The following XKR4 variants were observed in gnomAD, a reference collection of about 807,000 sequenced individuals.
XKR4 encodes the protein XK-related protein 4.
A neutral mutation model predicts 53.9 loss-of-function variants in XKR4; 12 were observed. That is an observed-to-expected ratio of 0.22 (90% CI 0.14 to 0.36). XKR4 has a LOEUF of 0.36. Ranked by LOEUF, XKR4 falls within the 10% of genes least tolerant of loss-of-function variation. XKR4 has a pLI of 1.00. For missense variants in XKR4, 799 were observed against 859.5 expected (o/e 0.93, Z 0.88); for synonymous variants, 354 against 362.4 (o/e 0.98, Z 0.26).
chr8:55,237,385 G>A (rs986333231), intron 1 of XKR4, among the ~76,000 whole-genome samples: 11 of 152,160 alleles, frequency 7.2e-5, no homozygotes, highest in African/African-American at 2.4e-4. Flanking sequence ...ATTATATACT[G>A]TATTCTTACA....
intron 2 of XKR4, among the ~76,000 whole-genome samples, chr8:55,402,505 G>A (rs967312976): frequency 5.3e-5 from 8 of 152,222 alleles, no homozygotes; most frequent in Non-Finnish European, 1.2e-4. Context: ...TTCTTAGAAA[G>A]TGGGGTTAGC....
intron 2 of XKR4, among the ~76,000 whole-genome samples, chr8:55,466,479 C>G (rs1320812146): frequency 4.6e-5 from 7 of 151,768 alleles, no homozygotes; most frequent in Admixed American, 4.6e-4. Context: ...ACACCGGGGA[C>G]TGTTATGGAG....
chr8:55,375,471 T>C (rs1277016035), intron 2 of XKR4, among the ~76,000 whole-genome samples: 1 of 152,178 alleles, frequency 6.6e-6, no homozygotes, highest in Non-Finnish European at 1.5e-5. Context: ...ATGTTACCTC[T>C]TCCTGCCCAA....
At chr8:55,427,464 A>G (rs1705336919) in intron 2 of XKR4, among the ~76,000 whole-genome samples, 2 of 151,886 alleles carry the variant, frequency 1.3e-5, no homozygotes, top group Admixed American at 6.6e-5. Flanking sequence ...CCCTGCCTCG[A>G]CCTCCCAAAG....
chr8:55,523,309 C>A lies in XKR4; in HGVS notation c.1035C>A (p.Ser345=). The change falls in exon 3 of 3, where the codon TCC becomes TCA. Residue 345 remains serine (S), a synonymous_variant. Transcript: ENST00000327381. ...QGFTAAASLV[S]LAWALASYQK... ...TCACAGCGGCAGCTTCCCTCGTGTC[C>A]CTGGCCTGGGCCTTGGCCTCCTACC... 6.2e-7 allele frequency: 1 copy of A among 1,611,576 alleles called. No individual in the cohort carries two copies. The highest frequency in any genetic ancestry group is 8.5e-7 in the Non-Finnish European group (1 of 1,178,562).
chr8:55,356,263 C>T (rs1316774768), intron 1 of XKR4, among the ~76,000 whole-genome samples: 2 of 152,160 alleles, frequency 1.3e-5, no homozygotes, highest in African/African-American at 4.8e-5. Flanking sequence ...GATGTGCTTC[C>T]TGATGAAAGT....
At chr8:55,182,300 A>T (rs1817321609) in intron 1 of XKR4, among the ~76,000 whole-genome samples, 2 of 152,060 alleles carry the variant, frequency 1.3e-5, no homozygotes, top group South Asian at 4.1e-4. Context: ...TCTTTTATGG[A>T]TCACACTTTG....
rs1807030089 is a variant in XKR4 at position 55,536,186 on chromosome 8, C to T, written c.*11959C>T. 1 of 152,094 alleles carries T rather than the reference C, an allele frequency of 6.6e-6. No individual in the cohort carries two copies. Among genetic ancestry groups the T allele is most frequent in the Non-Finnish European group, 1.5e-5 (1 of 68,020 alleles). 9.4% of individuals were successfully genotyped at this position (152,094 alleles called of 1,614,324 possible). ...CAGTCACCTAGTCTGTGTATCTGTT[C>T]CCAAACTGGAAAAAATAATTCTTGA... is the stretch of plus-strand genomic sequence containing the variant. On this transcript the variant is annotated 3_prime_UTR_variant, in exon 3 of 3. Coordinates refer to ENST00000327381, the MANE Select transcript of XKR4 (RefSeq NM_052898.2).
intron 1 of XKR4, among the ~76,000 whole-genome samples, chr8:55,157,693 G>A (rs1816927214): frequency 1.3e-5 from 2 of 152,104 alleles, no homozygotes; most frequent in Non-Finnish European, 1.5e-5. Flanking sequence ...CCCTCAAGTA[G>A]GCCCCAATGT....
At chr8:55,104,641 A>G (rs1220927415) in intron 1 of XKR4, among the ~76,000 whole-genome samples, 1 of 152,116 alleles carries the variant, frequency 6.6e-6, no homozygotes, top group African/African-American at 2.4e-5. Flanking sequence ...AGCAGACTGA[A>G]CATTGCCATA....
In XKR4 at chr8:55,528,744, T is replaced by C. The variant is rs1806910079; in HGVS notation, c.*4517T>C. On this transcript the variant is annotated 3_prime_UTR_variant, in exon 3 of 3. Coordinates refer to ENST00000327381, the MANE Select transcript of XKR4 (RefSeq NM_052898.2). ...TGACAGATGCAGATCAACGTTCCTT[T>C]GTCTCGGCAATCCAATGTCATTTTT... The C allele has an allele frequency of 2.0e-5, 3 of 152,144 alleles. No individual in the cohort carries two copies. The South Asian group carries it at 6.2e-4, about 32-fold the overall frequency. The allele number at this position is 152,144 out of a possible 1,614,324, so 9.4% of individuals were successfully genotyped here.
chr8:55,228,600 G>C (rs1817989478), intron 1 of XKR4, among the ~76,000 whole-genome samples: 1 of 152,062 alleles, frequency 6.6e-6, no homozygotes, highest in Non-Finnish European at 1.5e-5. Flanking sequence ...TCAATGTAAT[G>C]TTACTATTTG....
At chr8:55,126,292 A>C (rs970023327) in intron 1 of XKR4, among the ~76,000 whole-genome samples, 1 of 152,150 alleles carries the variant, frequency 6.6e-6, no homozygotes, top group African/African-American at 2.4e-5. Context: ...CTTCTGGGGA[A>C]ACAGTGACGG....
intron 1 of XKR4, among the ~76,000 whole-genome samples, chr8:55,172,566 G>A (rs184389992): frequency 1.2e-4 from 19 of 152,198 alleles, no homozygotes; most frequent in South Asian, 2.1e-4. Context: ...AACAAAGACA[G>A]AGTGAAAAGC....
intron 2 of XKR4, among the ~76,000 whole-genome samples, chr8:55,405,035 A>G (rs1378959887): frequency 6.6e-6 from 1 of 152,206 alleles, no homozygotes; most frequent in Non-Finnish European, 1.5e-5. Context: ...TTTGTGCAAG[A>G]ACTTGATGCC....
rs539132582 is a variant in XKR4, at chr8:55,495,662, G to A, written c.1007-27619G>A. Among the ~76,000 whole-genome samples the A allele has an allele frequency of 2.1e-3, 315 of 152,312 alleles. 2 individuals carry two copies. The highest frequency in any genetic ancestry group is 7.3e-3 in the African/African-American group (303 of 41,556). On this transcript the variant is annotated intron_variant, in intron 2 of 2. Coordinates refer to ENST00000327381, the MANE Select transcript of XKR4 (RefSeq NM_052898.2). Reference sequence around the variant, plus strand: ...AGTGGCGGTGGATGATAGTAGTGACGTAGGGCCAGGGTCTGGAGGAGCAGA... The same window carrying A: ...AGTGGCGGTGGATGATAGTAGTGACATAGGGCCAGGGTCTGGAGGAGCAGA...
chr8:55,213,474 A>T (rs192366825), intron 1 of XKR4, among the ~76,000 whole-genome samples: 2 of 152,270 alleles, frequency 1.3e-5, no homozygotes, highest in Admixed American at 1.3e-4. Flanking sequence ...TACAATAGTG[A>T]TGTAACCTCT....
At chr8:55,497,400 C>T (rs16921909) in intron 2 of XKR4, among the ~76,000 whole-genome samples, 6,395 of 152,098 alleles carry the variant, frequency 0.042, 535 homozygotes, top group East Asian at 0.28. Flanking sequence ...ATTTTTTTGA[C>T]GTTTATAAAG....
intron 1 of XKR4, among the ~76,000 whole-genome samples, chr8:55,202,540 G>C (rs756557883): frequency 6.6e-5 from 10 of 152,134 alleles, no homozygotes; most frequent in Admixed American, 3.9e-4. Context: ...TTACTATAAG[G>C]CTCTTTAGGT....
Sources: gnomAD v4.1 joint callset for allele counts (sites outside exome capture counted in the v4.1 genomes callset) on GRCh38, gnomAD v4.1.1 for gene constraint, MANE v1.5 for transcripts, NCBI Gene and HGNC (gene_info 2026-07-23, HGNC 2026-07-21) for gene names.